ZKSCAN4: variants seen among roughly 807,000 people sequenced by gnomAD.
ZKSCAN4 encodes the protein zinc finger protein with KRAB and SCAN domains 4.
Under a neutral mutation model 30.8 loss-of-function variants are expected in ZKSCAN4, and 23 were observed. The observed-to-expected ratio is 0.75, with a 90% CI of 0.54 to 1.06. ZKSCAN4 has a LOEUF of 1.06. Ranked by LOEUF, ZKSCAN4 falls within the 50% of genes least tolerant of loss-of-function variation. The pLI is 0.00. For missense variants in ZKSCAN4, 556 were observed against 665.4 expected (o/e 0.84, Z 1.81); for synonymous variants, 208 against 252.5 (o/e 0.82, Z 1.67).
chr6:28,256,972 CAT>C (rs1385892567), upstream of ZKSCAN4, among the ~76,000 whole-genome samples: 13 of 152,156 alleles, frequency 8.5e-5, no homozygotes, highest in Non-Finnish European at 1.9e-4. Context: ...GGAACACAGC[CAT>C]ATTCATTCAC....
At chr6:28,248,201 C>T in intron 2 of ZKSCAN4, 52 bp from the exon 3 acceptor site, 1 of 1,454,406 alleles carries the variant, frequency 6.9e-7, no homozygotes, top group Non-Finnish European at 9.5e-7. Context: ...TCAGCCTCCC[C>T]ACCTTGCAAA....
intron 1 of ZKSCAN4, among the ~76,000 whole-genome samples, chr6:28,250,986 TTTCTACCAGAGG>T (rs1333366268): frequency 6.6e-6 from 1 of 152,174 alleles, no homozygotes; most frequent in Non-Finnish European, 1.5e-5. Context: ...ATAGGCCCAC[TTTCTACCAGAGG>T]TTCATAACCA....
chr6:28,248,841 A>AG (rs1760863819), intron 2 of ZKSCAN4, among the ~76,000 whole-genome samples: 3 of 126,296 alleles, frequency 2.4e-5, no homozygotes, highest in African/African-American at 1.0e-4. Context: ...AAAAAAAAAA[A>AG]AAAGAAAAAA....
At chr6:28,256,251 C>A (rs1761171354), upstream of ZKSCAN4, among the ~76,000 whole-genome samples, 1 of 151,956 alleles carries the variant, frequency 6.6e-6, no homozygotes, top group South Asian at 2.1e-4. Flanking sequence ...TGTCTAGAGA[C>A]AGGGTCTAGT....
At chr6:28,257,896 A>C in the ZKSCAN4 span, among the ~76,000 whole-genome samples, 2 of 152,216 alleles carry the variant, frequency 1.3e-5, no homozygotes, top group African/African-American at 4.8e-5. Flanking sequence ...AGTAAGACAT[A>C]TCCATTTCAT....
chr6:28,258,783 A>G, the ZKSCAN4 span, among the ~76,000 whole-genome samples: 7 of 149,022 alleles, frequency 4.7e-5, no homozygotes, highest in East Asian at 8.3e-4. Context: ...AAAAAAAAAA[A>G]AAGTACGACT....
rs759359823 is a variant in ZKSCAN4, at chr6:28,245,332, C to T, written c.1422G>A (p.Thr474=). 1.6e-5 allele frequency: 26 copies of T among 1,614,056 alleles called. No homozygotes were observed. In the South Asian group the frequency reaches 2.1e-4, roughly 13 times the overall value. Reference sequence around the variant, plus strand: ...CCTCAGTATTTTCCCACTGGCTTTCCGTCCTACCCTGACTTTCCCAGGACT... The same window carrying T: ...CCTCAGTATTTTCCCACTGGCTTTCTGTCCTACCCTGACTTTCCCAGGACT... ...HGESWESQGR[T]ESQWENTEAP... Residue 474 remains threonine (T), a synonymous_variant, in exon 5 of 5, where the codon ACG becomes ACA. Transcript: ENST00000377294.
intron 2 of ZKSCAN4, among the ~76,000 whole-genome samples, chr6:28,248,515 C>T (rs1399614022): frequency 6.6e-6 from 1 of 152,032 alleles, no homozygotes; most frequent in Non-Finnish European, 1.5e-5. Context: ...TATTAGGATG[C>T]TTTCCACTTC....
rs149792060 is a variant in ZKSCAN4, at chr6:28,245,731, G to T, written c.1023C>A (p.Ile341=). 7.3e-5 allele frequency: 118 copies of T among 1,614,240 alleles called. 1 individual carries two copies. In the African/African-American group the frequency reaches 9.6e-4, roughly 13 times the overall value. ...QSSGLTKHRR[I]HTGEKPYECE... ...ATTCATAGGGTTTCTCACCAGTGTGGATTCTCCTGTGTTTAGTCAGGCCTG... is the reference window on the plus strand; with the variant it reads ...ATTCATAGGGTTTCTCACCAGTGTGTATTCTCCTGTGTTTAGTCAGGCCTG... Residue 341 remains isoleucine (I), a synonymous_variant, in exon 5 of 5, where the codon ATC becomes ATA. Transcript: ENST00000377294.
Position 28,249,954 on chromosome 6 carries a change from T to C in ZKSCAN4, c.424-120A>G. On this transcript the variant is annotated intron_variant, in intron 1 of 4. Transcript: ENST00000377294. This position sits in a 1 kb window ranked among gnomAD's most constrained non-coding sequence, Gnocchi z 4.1. ...ATGATATTAACACAATTAATATAGA[T>C]AACAACCCTGTGAGCTATTATTTTG... 1.8e-6 allele frequency: 2 copies of C among 1,123,440 alleles called. No homozygotes were observed. The highest frequency in any genetic ancestry group is 2.5e-6 in the Non-Finnish European group (2 of 789,036). The allele number at this position is 1,123,440 out of a possible 1,614,324, so 69.6% of individuals were successfully genotyped here.
the ZKSCAN4 span, among the ~76,000 whole-genome samples, chr6:28,259,036 A>G: frequency 6.6e-6 from 1 of 152,320 alleles, no homozygotes; most frequent in East Asian, 1.9e-4. Flanking sequence ...GGTGAGAAGC[A>G]AAATGGTAAA....
intron 2 of ZKSCAN4, among the ~76,000 whole-genome samples, chr6:28,248,952 C>T (rs927539681): frequency 6.6e-6 from 1 of 152,054 alleles, no homozygotes; most frequent in Non-Finnish European, 1.5e-5. Context: ...GACTCAGAAG[C>T]AGAAGAAACC....
chr6:28,252,163 A>G lies in ZKSCAN4; in HGVS notation c.-183T>C. ...TCTCTCTTATAGTCCGTGCCTTTGCAGGGTCGTCCTCTGCACCCCACTCTG... is the reference window on the plus strand; with the variant it reads ...TCTCTCTTATAGTCCGTGCCTTTGCGGGGTCGTCCTCTGCACCCCACTCTG... On this transcript the variant is annotated 5_prime_UTR_variant, in exon 1 of 5. Coordinates refer to ENST00000377294, the MANE Select transcript of ZKSCAN4 (RefSeq NM_019110.5). 1.9e-6 allele frequency: 1 copy of G among 515,660 alleles called. No homozygotes were observed. The highest frequency in any genetic ancestry group is 3.2e-6 in the Non-Finnish European group (1 of 308,472). The allele number at this position is 515,660 out of a possible 1,614,324, so 31.9% of individuals were successfully genotyped here. A position where few individuals can be genotyped will look rare whatever the true frequency, so the allele number is the denominator to read the frequency against.
Position 28,244,978 on chromosome 6 carries a change from C to G in ZKSCAN4, c.*138G>C, listed in dbSNP as rs1760636141. Reference sequence around the variant, plus strand: ...GTAGAAGATAACTCATCGTCTCAGCCAGACTACATTTTCTAATACCCGATG... The same window carrying G: ...GTAGAAGATAACTCATCGTCTCAGCGAGACTACATTTTCTAATACCCGATG... On this transcript the variant is annotated 3_prime_UTR_variant, in exon 5 of 5. Transcript: ENST00000377294. 2 of 1,111,000 alleles carry G rather than the reference C, an allele frequency of 1.8e-6. No individual in the cohort carries two copies. Among genetic ancestry groups the G allele is most frequent in the African/African-American group, 3.1e-5 (2 of 65,186 alleles). The allele number at this position is 1,111,000 out of a possible 1,614,324, so 68.8% of individuals were successfully genotyped here.
At position 28,251,788 on chromosome 6, in the gene ZKSCAN4, C is replaced by T. The variant is rs765899877; in HGVS notation, c.193G>A (p.Ala65Thr). The change falls in exon 1 of 5, where the codon GCG becomes ACG. Residue 65 changes from alanine (A) to threonine (T), a missense_variant. By Grantham distance (58) the Ala-to-Thr change is moderately conservative. Coordinates refer to ENST00000377294, the MANE Select transcript of ZKSCAN4 (RefSeq NM_019110.5). The surrounding 1 kb of genome is among the most constrained non-coding windows in gnomAD (Gnocchi z 4.5). ...CGGCTCAACGCCTCGCGGGGGCCCG[C>T]AGCCTCCGGGTAGCGGAAGCCTCGG... ...RFRGFRYPEA[A>T]GPREALSRLR... 6.2e-7 allele frequency: 1 copy of T among 1,613,956 alleles called. No homozygotes were observed. The highest frequency in any genetic ancestry group is 1.1e-5 in the South Asian group (1 of 91,076).
At position 28,245,597 on chromosome 6, in the gene ZKSCAN4, C is replaced by T. The variant is rs200202317; in HGVS notation, c.1157G>A (p.Ser386Asn). 1 of 1,614,140 alleles carries T rather than the reference C, an allele frequency of 6.2e-7. No individual in the cohort carries two copies. The highest frequency in any genetic ancestry group is 2.2e-5 in the East Asian group (1 of 44,874). ...GTGTTTGATAAGGTTTGAGCTGTGA[C>T]TGAAGACCTTACCACATTCTTCACA... ...YECEECGKVF[S>N]HSSNLIKHQR... The change falls in exon 5 of 5, where the codon AGT (serine) becomes AAT (asparagine). Residue 386 changes from serine (S) to asparagine (N), a missense_variant. Ser to Asn is a conservative substitution (Grantham distance 46, BLOSUM62 1). Transcript: ENST00000377294.
At position 28,249,595 on chromosome 6, in the gene ZKSCAN4, A is replaced by G; in HGVS notation, c.571+92T>C. Reference sequence around the variant, plus strand: ...AAATACAGCTCTCTGTGATGAGTATATAAAGTAACTGTAAATGGATCTTTT... The same window carrying G: ...AAATACAGCTCTCTGTGATGAGTATGTAAAGTAACTGTAAATGGATCTTTT... On this transcript the variant is annotated intron_variant, in intron 2 of 4. Transcript: ENST00000377294. This position sits in a 1 kb window ranked among gnomAD's most constrained non-coding sequence, Gnocchi z 4.1. 1 of 1,462,676 alleles carries G rather than the reference A, an allele frequency of 6.8e-7. No individual in the cohort carries two copies. Among genetic ancestry groups the G allele is most frequent in the Non-Finnish European group, 9.3e-7 (1 of 1,079,612 alleles). 90.6% of individuals were successfully genotyped at this position (1,462,676 alleles called of 1,614,324 possible).
Position 28,249,848 on chromosome 6 carries a change from T to C in ZKSCAN4, c.424-14A>G. The C allele has an allele frequency of 6.2e-7, 1 of 1,611,508 alleles. No homozygotes were observed. Among genetic ancestry groups the C allele is most frequent in the Non-Finnish European group, 8.5e-7 (1 of 1,179,270 alleles). ...ACCAACGGGAACCTAGAAGTCACGA[T>C]TTTTAGTTATCTACCCAACATTTCT... is the stretch of plus-strand genomic sequence containing the variant. On this transcript the variant is annotated splice_polypyrimidine_tract_variant and intron_variant, in intron 1 of 4. Coordinates refer to ENST00000377294, the MANE Select transcript of ZKSCAN4 (RefSeq NM_019110.5). The surrounding 1 kb of genome is among the most constrained non-coding windows in gnomAD (Gnocchi z 4.1).
Position 28,251,897 on chromosome 6 carries a change from C to G in ZKSCAN4, c.84G>C (p.Glu28Asp). Residue 28 changes from glutamate to aspartate, a missense_variant, in exon 1 of 5, where the codon GAG becomes GAC. Transcript: ENST00000377294. The surrounding 1 kb of genome is among the most constrained non-coding windows in gnomAD (Gnocchi z 4.5). ...DQTGLLTVKV[E>D]KEEASALTAE... is the part of the protein sequence containing the mutation. ...CCGTCAAGGCGGAGGCTTCCTCCTT[C>G]TCCACCTTCACGGTCAGGAGCCCCG... 6.5e-7 allele frequency: 1 copy of G among 1,540,352 alleles called. No homozygotes were observed. The highest frequency in any genetic ancestry group is 8.7e-7 in the Non-Finnish European group (1 of 1,149,634).
Sources: gnomAD v4.1 joint callset for allele counts (sites outside exome capture counted in the v4.1 genomes callset) on GRCh38, gnomAD v4.1.1 for gene constraint, Gnocchi (gnomAD v3.1) non-coding constraint, MANE v1.5 for transcripts, NCBI Gene and HGNC (gene_info 2026-07-23, HGNC 2026-07-21) for gene names.